Variants in SLC13A2 observed in about 807,000 individuals in gnomAD.
The protein encoded by SLC13A2 is Na(+)-coupled citrate transporter.
In SLC13A2, 40 loss-of-function variants were observed where a neutral mutation model predicts 58.5. That is an observed-to-expected ratio of 0.68 (90% CI 0.53 to 0.89). The LOEUF (loss-of-function observed/expected upper bound fraction) is 0.89. SLC13A2 is among the 40% of genes least tolerant of loss of function. The pLI is 0.00. For missense variants in SLC13A2, 694 were observed against 772.6 expected (o/e 0.90, Z 1.21); for synonymous variants, 341 against 331.6 (o/e 1.03, Z -0.31).
chr17:28,480,710 T>A (rs960142300), intron 1 of SLC13A2, among the ~76,000 whole-genome samples: 1 of 152,198 alleles, frequency 6.6e-6, no homozygotes, highest in African/African-American at 2.4e-5. Flanking sequence ...CTTCGCCCTC[T>A]GCCTCTTATC....
chr17:28,481,677 A>C (rs1370502402), intron 1 of SLC13A2, among the ~76,000 whole-genome samples: 1 of 152,008 alleles, frequency 6.6e-6, no homozygotes, highest in Non-Finnish European at 1.5e-5. Context: ...TTGTCGTTTG[A>C]CTTCTCGGCT....
At chr17:28,488,239 TGTACGAG>T (rs1213679490) in intron 1 of SLC13A2, among the ~76,000 whole-genome samples, 1 of 152,134 alleles carries the variant, frequency 6.6e-6, no homozygotes, top group African/African-American at 2.4e-5. Context: ...GAGCTTAGCC[TGTACGAG>T]GTGGAGAGGA....
intron 10 of SLC13A2, 85 bp downstream of exon 10, chr17:28,495,901 G>A: frequency 1.4e-6 from 2 of 1,460,096 alleles, no homozygotes; most frequent in Non-Finnish European, 1.9e-6. Context: ...AGAGTATCCT[G>A]TCTTTGCACC....
chr17:28,492,965 G>T (rs1045740152), intron 6 of SLC13A2, among the ~76,000 whole-genome samples: 1 of 152,278 alleles, frequency 6.6e-6, no homozygotes, highest in African/African-American at 2.4e-5. Flanking sequence ...ACAAGGCAAG[G>T]TGGTAGTAGA....
In SLC13A2 at chr17:28,490,446, C is replaced by A. The variant is rs375904554; in HGVS notation, c.232-8C>A. 7 of 1,614,022 alleles carry A rather than the reference C, an allele frequency of 4.3e-6. No homozygotes were observed. Among genetic ancestry groups the A allele is most frequent in the African/African-American group, 1.3e-5 (1 of 74,906 alleles). ...TTCCCGCCGCTCAGCCATGTCTCCA[C>A]CTGCCAGGTTGCCGTCGAGTATCTT... On this transcript the variant is annotated splice_region_variant and splice_polypyrimidine_tract_variant and intron_variant, in intron 2 of 11. Coordinates refer to ENST00000314669, the MANE Select transcript of SLC13A2 (RefSeq NM_003984.4).
intron 1 of SLC13A2, among the ~76,000 whole-genome samples, chr17:28,480,938 T>C (rs1277473250): frequency 6.6e-6 from 1 of 152,122 alleles, no homozygotes; most frequent in Non-Finnish European, 1.5e-5. Flanking sequence ...TTCTAGCCTC[T>C]GGGATGCCTG....
At chr17:28,487,307 G>C (rs1262652489) in intron 1 of SLC13A2, 1 of 152,714 alleles carries the variant, frequency 6.5e-6, no homozygotes, top group Admixed American at 6.5e-5. Flanking sequence ...CAGGGTAGCA[G>C]GTGAAAGCTG....
chr17:28,491,432 C>A lies in SLC13A2; in HGVS notation c.575-5C>A, dbSNP rs1567856010. The A allele has an allele frequency of 6.2e-7, 1 of 1,613,330 alleles. No individual in the cohort carries two copies. The highest frequency in any genetic ancestry group is 2.2e-5 in the East Asian group (1 of 44,882). On this transcript the variant is annotated splice_region_variant and splice_polypyrimidine_tract_variant and intron_variant, in intron 4 of 11. Transcript: ENST00000314669. ...GCCCCCACCTGGGCTCTCCCTTGTT[C>A]CCAGATAATGGGCAGGCCCTCCCTG...
At position 28,494,501 on chromosome 17, in the gene SLC13A2, A is replaced by T; in HGVS notation, c.1297A>T (p.Lys433Ter). 1 of 1,613,826 alleles carries T rather than the reference A, an allele frequency of 6.2e-7. No homozygotes were observed. Among genetic ancestry groups the T allele is most frequent in the East Asian group, 2.2e-5 (1 of 44,862 alleles). The change falls in exon 9 of 12, where the codon AAG becomes TAG. Residue 433 changes from lysine (K) to a stop codon, truncating the protein, a stop_gained. Transcript: ENST00000314669. LOFTEE classifies it high-confidence loss of function. The surrounding 1 kb of genome is among the most constrained non-coding windows in gnomAD (Gnocchi z 4.0). ...LLLGGGYALA[K>*]GSERSGLSEW... ...GCTGGGTGGTGGCTATGCCCTGGCC[A>T]AGGGCAGTGAGGTGAGAGGCCCCCA...
chr17:28,489,626 A>G (rs2068962170), intron 2 of SLC13A2, among the ~76,000 whole-genome samples: 1 of 152,224 alleles, frequency 6.6e-6, no homozygotes, highest in Non-Finnish European at 1.5e-5. Flanking sequence ...GGGCCAGCTA[A>G]CACACTCATA....
chr17:28,479,021 C>T (rs1358083767), intron 1 of SLC13A2, among the ~76,000 whole-genome samples: 1 of 152,038 alleles, frequency 6.6e-6, no homozygotes, highest in Non-Finnish European at 1.5e-5. Flanking sequence ...AGTTCAAGAC[C>T]AGCCTGGGCA....
In SLC13A2 at chr17:28,494,291, C is replaced by T. The variant is rs2069094907; in HGVS notation, c.1187-100C>T. 6 of 1,599,206 alleles carry T rather than the reference C, an allele frequency of 3.8e-6. No individual in the cohort carries two copies. Among genetic ancestry groups the T allele is most frequent in the East Asian group, 4.5e-5 (2 of 44,798 alleles). Reference sequence around the variant, plus strand: ...AGAACTGAGGGTCCCCTCCTGCACGCGTTAAGCTCCAAAAGGGACCCACAC... The same window carrying T: ...AGAACTGAGGGTCCCCTCCTGCACGTGTTAAGCTCCAAAAGGGACCCACAC... On this transcript the variant is annotated intron_variant, in intron 8 of 11. Transcript: ENST00000314669. This position sits in a 1 kb window ranked among gnomAD's most constrained non-coding sequence, Gnocchi z 4.0.
chr17:28,475,790 C>G (rs527694596), intron 1 of SLC13A2, among the ~76,000 whole-genome samples: 1 of 152,262 alleles, frequency 6.6e-6, no homozygotes, highest in South Asian at 2.1e-4. Context: ...CAGCCCTGCC[C>G]CTTCCCACCT....
chr17:28,489,146 G>A lies in SLC13A2; in HGVS notation c.103-68G>A. 5.1e-6 allele frequency: 8 copies of A among 1,569,646 alleles called. No homozygotes were observed. In the South Asian group the frequency reaches 8.2e-5, roughly 16 times the overall value. On this transcript the variant is annotated intron_variant, in intron 1 of 11. Transcript: ENST00000314669. ...CACAAATGGCCTGGTTTGTCTGACAGACAGGAGGTGGCATAGCTCTGGGAC... is the reference window on the plus strand; with the variant it reads ...CACAAATGGCCTGGTTTGTCTGACAAACAGGAGGTGGCATAGCTCTGGGAC...
intron 1 of SLC13A2, among the ~76,000 whole-genome samples, chr17:28,484,635 C>T (rs1311445870): frequency 1.3e-5 from 2 of 152,234 alleles, no homozygotes; most frequent in Admixed American, 1.3e-4. Context: ...CTTGAGATCA[C>T]TCTGGCTGCA....
Position 28,491,834 on chromosome 17 carries a change from T to C in SLC13A2, c.860T>C (p.Ile287Thr), listed in dbSNP as rs2069033175. The C allele has an allele frequency of 1.9e-6, 3 of 1,614,060 alleles. No individual in the cohort carries two copies. Among genetic ancestry groups the C allele is most frequent in the Non-Finnish European group, 2.5e-6 (3 of 1,179,966 alleles). ...LLLLAWLWLQ[I>T]LFLGFNFRKN... ...CTGCTGGCCTGGTTGTGGCTGCAGA[T>C]CCTCTTCCTGGGCTTCAAGTAAGTG... Residue 287 changes from isoleucine (I) to threonine (T), a missense_variant, in exon 6 of 12, where the codon ATC (isoleucine) becomes ACC (threonine). Ile to Thr is a moderately conservative substitution (Grantham distance 89). Coordinates refer to ENST00000314669, the MANE Select transcript of SLC13A2 (RefSeq NM_003984.4).
At chr17:28,479,948 A>G (rs1023363291) in intron 1 of SLC13A2, among the ~76,000 whole-genome samples, 22 of 152,156 alleles carry the variant, frequency 1.4e-4, no homozygotes, top group African/African-American at 4.3e-4. Flanking sequence ...TGGAGTCAGG[A>G]GTTCGAGACC....
chr17:28,490,693 A>G lies in SLC13A2; in HGVS notation c.369-8A>G, dbSNP rs1370324292. ...GGAACAGCAGTGTGTCTGTCTGCCCATCCCTAGGCTAATCCTGGGCTTCAT... is the reference window on the plus strand; with the variant it reads ...GGAACAGCAGTGTGTCTGTCTGCCCGTCCCTAGGCTAATCCTGGGCTTCAT... On this transcript the variant is annotated splice_region_variant and splice_polypyrimidine_tract_variant and intron_variant, in intron 3 of 11. Coordinates refer to ENST00000314669, the MANE Select transcript of SLC13A2 (RefSeq NM_003984.4). 13 of 1,607,124 alleles carry G rather than the reference A, an allele frequency of 8.1e-6. No individual in the cohort carries two copies. The highest frequency in any genetic ancestry group is 1.1e-5 in the Non-Finnish European group (13 of 1,174,468).
At chr17:28,497,037 TG>T in intron 11 of SLC13A2, 61 bp from the exon 12 acceptor site, 1 of 1,553,884 alleles carries the variant, frequency 6.4e-7, no homozygotes, top group Non-Finnish European at 8.8e-7. Flanking sequence ...CCCAAACACC[TG>T]GGGACTTGGG....
Sources: gnomAD v4.1 joint callset for allele counts (sites outside exome capture counted in the v4.1 genomes callset) on GRCh38, gnomAD v4.1.1 for gene constraint, Gnocchi (gnomAD v3.1) non-coding constraint, MANE v1.5 for transcripts, NCBI Gene and HGNC (gene_info 2026-07-23, HGNC 2026-07-21) for gene names.